The following ITGBL1 variants were observed in gnomAD, a reference collection of about 807,000 sequenced individuals.
ITGBL1 encodes the protein integrin beta-like protein 1.
ITGBL1 carries 51 observed loss-of-function variants against 68.5 expected under a neutral mutation model. That is an observed-to-expected ratio of 0.74 (90% CI 0.59 to 0.94). ITGBL1 has a LOEUF of 0.94. Among genes scored for constraint, ITGBL1 ranks in the 40% least tolerant of loss-of-function variants. The probability of loss-of-function intolerance (pLI) is 0.00; values close to 1 mark genes in which losing one functional copy is unlikely to be tolerated. For synonymous variants in ITGBL1, 209 were observed against 227.3 expected, an observed-to-expected ratio of 0.92 and a Z score of 0.72; for missense variants, 649 against 647.4, an observed-to-expected ratio of 1.00 and a Z score of -0.03.
At chr13:101,455,540 G>A (rs764339281) in intron 2 of ITGBL1, among the ~76,000 whole-genome samples, 1 of 151,898 alleles carries the variant, frequency 6.6e-6, no homozygotes, top group Non-Finnish European at 1.5e-5. Context: ...CGTGGCATGT[G>A]CCTGTAATCC....
intron 7 of ITGBL1, among the ~76,000 whole-genome samples, chr13:101,651,788 GT>G (rs2032760630): frequency 1.3e-5 from 2 of 152,100 alleles, no homozygotes; most frequent in Non-Finnish European, 2.9e-5. Flanking sequence ...TTCTTCTAGG[GT>G]TTTTATAGTT....
At chr13:101,600,050 T>C (rs992937740) in intron 7 of ITGBL1, among the ~76,000 whole-genome samples, 42 of 152,354 alleles carry the variant, frequency 2.8e-4, no homozygotes, top group African/African-American at 8.4e-4. Context: ...TTCACGATAT[T>C]GATTCTTCCT....
intron 8 of ITGBL1, among the ~76,000 whole-genome samples, chr13:101,697,414 T>A (rs1412475114): frequency 6.6e-6 from 1 of 152,194 alleles, no homozygotes; most frequent in Non-Finnish European, 1.5e-5. Flanking sequence ...ATATTTTGTC[T>A]AGAGAAAGTC....
chr13:101,692,661 T>C lies in ITGBL1; in HGVS notation c.1092T>C (p.Asp364=). The C allele has an allele frequency of 1.2e-6, 2 of 1,613,784 alleles. No homozygotes were observed. Among genetic ancestry groups the C allele is most frequent in the East Asian group, 2.2e-5 (1 of 44,874 alleles). The change falls in exon 8 of 11, where the codon GAT becomes GAC. Residue 364 remains aspartate (D), a synonymous_variant. Transcript: ENST00000376180. The stretch of plus-strand genomic sequence containing the variant: ...TGTATGGCAAGACTTGTGAGTGTGA[T>C]GATCGCCGCTGTGAAGACCTCGATG... ...RRVYGKTCEC[D]DRRCEDLDGV...
At chr13:101,580,466 G>A (rs913627394) in intron 5 of ITGBL1, among the ~76,000 whole-genome samples, 1 of 151,022 alleles carries the variant, frequency 6.6e-6, no homozygotes, top group African/African-American at 2.4e-5. Flanking sequence ...TATACTTTAA[G>A]TTCTAGGGTG....
chr13:101,678,502 C>CG (rs1555366020), intron 7 of ITGBL1, among the ~76,000 whole-genome samples: 1 of 143,252 alleles, frequency 7.0e-6, no homozygotes, highest in East Asian at 2.0e-4. Flanking sequence ...TTCACTGAGA[C>CG]TTTTTTTTTT....
At chr13:101,494,795 A>G (rs920260242) in intron 2 of ITGBL1, among the ~76,000 whole-genome samples, 2 of 152,212 alleles carry the variant, frequency 1.3e-5, no homozygotes, top group Non-Finnish European at 2.9e-5. Context: ...TTTCAACTAT[A>G]TGAAAAGTAT....
intron 2 of ITGBL1, among the ~76,000 whole-genome samples, chr13:101,563,912 T>C (rs1288450146): frequency 2.0e-5 from 3 of 151,764 alleles, no homozygotes. Flanking sequence ...TATTAGCAAA[T>C]GGAATCCAAT....
In ITGBL1 at chr13:101,690,435, T is replaced by C. The variant is rs117222843; in HGVS notation, c.1016-2150T>C. Among the ~76,000 whole-genome samples the C allele has an allele frequency of 1.6e-4, 24 of 152,288 alleles. No individual in the cohort carries two copies. The East Asian group carries it at 4.4e-3, about 28-fold the overall frequency. On this transcript the variant is annotated intron_variant, in intron 7 of 10. Transcript: ENST00000376180. The stretch of plus-strand genomic sequence containing the variant: ...CCATGAATACATATACCCTGAAACG[T>C]AGAAACTGGTTCTATGTAACTGGAA...
At chr13:101,525,877 A>C (rs1042420668) in intron 2 of ITGBL1, among the ~76,000 whole-genome samples, 1 of 151,918 alleles carries the variant, frequency 6.6e-6, no homozygotes, top group African/African-American at 2.4e-5. Context: ...ATGGGTTTTG[A>C]TATGTGGTAC....
At chr13:101,653,564 C>A (rs2032820579) in intron 7 of ITGBL1, among the ~76,000 whole-genome samples, 2 of 152,090 alleles carry the variant, frequency 1.3e-5, no homozygotes, top group Non-Finnish European at 1.5e-5. Flanking sequence ...ACTTTAAGTG[C>A]ATACATTTTA....
chr13:101,624,594 T>C (rs1191616424), intron 7 of ITGBL1, among the ~76,000 whole-genome samples: 1 of 152,204 alleles, frequency 6.6e-6, no homozygotes, highest in Non-Finnish European at 1.5e-5. Context: ...CTGTGCTTTC[T>C]CTTTGCCGAG....
chr13:101,606,814 G>C (rs2030888855), intron 7 of ITGBL1, among the ~76,000 whole-genome samples: 1 of 151,948 alleles, frequency 6.6e-6, no homozygotes, highest in East Asian at 1.9e-4. Context: ...AGAAACACCT[G>C]TTGTTTTAAA....
chr13:101,622,911 ATGTATGTGTGTG>A (rs2031638465), intron 7 of ITGBL1, among the ~76,000 whole-genome samples: 1 of 114,988 alleles, frequency 8.7e-6, no homozygotes, highest in Admixed American at 8.0e-5. Flanking sequence ...TGTGTGGGGT[ATGTATGTGTGTG>A]TGTGTGTGTG....
chr13:101,576,677 C>T (rs887097877), intron 4 of ITGBL1, among the ~76,000 whole-genome samples: 5 of 152,122 alleles, frequency 3.3e-5, no homozygotes, highest in Non-Finnish European at 7.4e-5. Context: ...GTTTACATTT[C>T]GGTAGCTTCA....
chr13:101,608,798 A>G (rs1208765386), intron 7 of ITGBL1, among the ~76,000 whole-genome samples: 1 of 152,042 alleles, frequency 6.6e-6, no homozygotes, highest in Non-Finnish European at 1.5e-5. Context: ...TTTGAAACCT[A>G]GTTTTTATAA....
intron 2 of ITGBL1, among the ~76,000 whole-genome samples, chr13:101,454,412 C>G (rs868056194): frequency 0.044 from 5,251 of 119,910 alleles, 295 homozygotes; most frequent in Non-Finnish European, 0.067. Flanking sequence ...CCCCCCCCCC[C>G]CCCAACTCCT....
chr13:101,516,479 G>T (rs1415752074), intron 2 of ITGBL1, among the ~76,000 whole-genome samples: 1 of 152,094 alleles, frequency 6.6e-6, no homozygotes, highest in Non-Finnish European at 1.5e-5. Context: ...TGTTCACCAG[G>T]CATTTGCATT....
chr13:101,582,748 A>G (rs1288332710), intron 5 of ITGBL1, among the ~76,000 whole-genome samples: 1 of 152,120 alleles, frequency 6.6e-6, no homozygotes. Context: ...TAATCCCTAT[A>G]TATCCAATCC....
Sources: gnomAD v4.1 joint callset for allele counts (sites outside exome capture counted in the v4.1 genomes callset) on GRCh38, gnomAD v4.1.1 for gene constraint, MANE v1.5 for transcripts, NCBI Gene and HGNC (gene_info 2026-07-23, HGNC 2026-07-21) for gene names.